Variants in PLAA observed in about 807,000 individuals in gnomAD.
PLAA encodes the protein phospholipase A2 activating protein.
PLAA carries 48 observed loss-of-function variants against 84.1 expected under a neutral mutation model. The observed-to-expected ratio is 0.57, with a 90% CI of 0.45 to 0.73. The LOEUF (loss-of-function observed/expected upper bound fraction) is 0.73. PLAA is among the 30% of genes least tolerant of loss of function. The pLI is 0.00. For synonymous variants in PLAA, 392 were observed against 336.6 expected (o/e 1.16, Z -1.80); for missense variants, 903 against 954.7 (o/e 0.95, Z 0.71).
intron 11 of PLAA, among the ~76,000 whole-genome samples, chr9:26,912,570 C>T (rs1198905918): frequency 2.0e-5 from 3 of 152,172 alleles, no homozygotes; most frequent in Non-Finnish European, 4.4e-5. Context: ...CTTCAATATA[C>T]ACACCATGCT....
rs1204529415 is a variant in PLAA at position 26,926,376 on chromosome 9, G to C, written c.733+17C>G. ...CTCAATACAAAACATTAAATAAATA[G>C]CATAAAATAATCTTACCTCTACAAT... is the stretch of plus-strand genomic sequence containing the variant. On this transcript the variant is annotated intron_variant, in intron 5 of 13. Coordinates refer to ENST00000397292, the MANE Select transcript of PLAA (RefSeq NM_001031689.3). 1 of 1,494,610 alleles carries C rather than the reference G, an allele frequency of 6.7e-7. No homozygotes were observed. The highest frequency in any genetic ancestry group is 1.1e-5 in the South Asian group (1 of 87,902). The allele number at this position is 1,494,610 out of a possible 1,614,324, so 92.6% of individuals were successfully genotyped here. A position where few individuals can be genotyped will look rare whatever the true frequency, so the allele number is the denominator to read the frequency against.
At position 26,914,635 on chromosome 9, in the gene PLAA, T is replaced by C. The variant is rs1004350114; in HGVS notation, c.1487-688A>G. On this transcript the variant is annotated intron_variant, in intron 10 of 13. Transcript: ENST00000397292. The stretch of plus-strand genomic sequence containing the variant: ...AATGAGAAACACAGAATAAATGGAT[T>C]TGTTGAAATTTAACCATATGCCAGT... Among the ~76,000 whole-genome samples the C allele has an allele frequency of 1.2e-4, 18 of 152,048 alleles. 1 individual carries two copies. The highest frequency in any genetic ancestry group is 5.9e-4 in the Admixed American group (9 of 15,266).
In PLAA at chr9:26,905,709, G is replaced by A. The variant is rs1296363032; in HGVS notation, c.2190C>T (p.Ser730=). 5 of 1,614,032 alleles carry A rather than the reference G, an allele frequency of 3.1e-6. No individual in the cohort carries two copies. The highest frequency in any genetic ancestry group is 4.2e-6 in the Non-Finnish European group (5 of 1,179,996). The change falls in exon 14 of 14, where the codon AGC becomes AGT. Residue 730 remains serine, a synonymous_variant. Transcript: ENST00000397292. ...EGKAQCLSLI[S]TILEVVQDLE... ...GGTCTTGTACTACTTCCAAGATTGT[G>A]CTAATTAGTGACAAACATTGGGCTT...
Position 26,946,885 on chromosome 9 carries a change from C to G in PLAA, c.149+12G>C, listed in dbSNP as rs749229800. On this transcript the variant is annotated intron_variant, in intron 1 of 13. Transcript: ENST00000397292. The stretch of plus-strand genomic sequence containing the variant: ...GCAACACAGCCGGGGCAACCCGACT[C>G]CCAGCGCTCACCTGTCTGGGGCCCA... The G allele has an allele frequency of 4.5e-6, 7 of 1,569,276 alleles. No individual in the cohort carries two copies. The African/African-American group carries it at 8.1e-5, about 18-fold the overall frequency.
intron 1 of PLAA, among the ~76,000 whole-genome samples, chr9:26,937,072 A>G (rs1167729014): frequency 6.6e-6 from 1 of 151,906 alleles, no homozygotes; most frequent in Non-Finnish European, 1.5e-5. Context: ...ACCCGGGAGG[A>G]GAAGGTTGCA....
chr9:26,932,268 T>C (rs1190135458), intron 2 of PLAA, among the ~76,000 whole-genome samples: 1 of 152,190 alleles, frequency 6.6e-6, no homozygotes, highest in African/African-American at 2.4e-5. Context: ...GGTTATTCTT[T>C]TGAGGACGTG....
intron 7 of PLAA, among the ~76,000 whole-genome samples, chr9:26,921,243 A>G (rs1824748116): frequency 1.3e-5 from 2 of 152,166 alleles, no homozygotes; most frequent in Non-Finnish European, 2.9e-5. Context: ...CTTTACACAA[A>G]TGTCATGTTC....
chr9:26,913,734 C>G (rs936748689), intron 11 of PLAA, 145 bp downstream of exon 11: 7 of 584,914 alleles, frequency 1.2e-5, no homozygotes, highest in East Asian at 2.8e-5. Flanking sequence ...TGAGAAAACT[C>G]AAAAAGCCAG....
At chr9:26,907,247 A>G (rs1824264534) in intron 13 of PLAA, among the ~76,000 whole-genome samples, 1 of 152,108 alleles carries the variant, frequency 6.6e-6, no homozygotes, top group African/African-American at 2.4e-5. Flanking sequence ...AACAGTAAAC[A>G]AACAGGTGCA....
At chr9:26,946,090 G>A (rs1223977109) in intron 1 of PLAA, among the ~76,000 whole-genome samples, 2 of 152,134 alleles carry the variant, frequency 1.3e-5, no homozygotes, top group African/African-American at 4.8e-5. Flanking sequence ...TTTATGGATG[G>A]TGACTCAAAT....
chr9:26,934,646 A>C (rs1741781724), intron 2 of PLAA, among the ~76,000 whole-genome samples: 1 of 151,716 alleles, frequency 6.6e-6, no homozygotes, highest in Non-Finnish European at 1.5e-5. Flanking sequence ...CACCTGGATA[A>C]TTTTTGTATT....
chr9:26,925,734 G>C (rs1563913419), intron 6 of PLAA, 91 bp downstream of exon 6: 1 of 1,135,226 alleles, frequency 8.8e-7, no homozygotes. Context: ...CTCAAGTCAC[G>C]TGAAATTCCT....
intron 2 of PLAA, among the ~76,000 whole-genome samples, chr9:26,929,456 A>G (rs979073390): frequency 6.6e-6 from 1 of 152,192 alleles, no homozygotes; most frequent in African/African-American, 2.4e-5. Flanking sequence ...TATGACCAAG[A>G]AAGTGAGACC....
At chr9:26,939,043 AAC>A (rs1446984389) in intron 1 of PLAA, among the ~76,000 whole-genome samples, 1 of 152,182 alleles carries the variant, frequency 6.6e-6, no homozygotes, top group Non-Finnish European at 1.5e-5. Flanking sequence ...CCTCATGGTA[AAC>A]ACACACAAAA....
chr9:26,931,292 T>C (rs1027615946), intron 2 of PLAA, among the ~76,000 whole-genome samples: 1 of 152,182 alleles, frequency 6.6e-6, no homozygotes, highest in Non-Finnish European at 1.5e-5. Context: ...TGTGGAAAGA[T>C]CTATACAGAA....
intron 13 of PLAA, 24 bp downstream of exon 13, chr9:26,907,810 C>G: frequency 6.4e-7 from 1 of 1,573,300 alleles, no homozygotes; most frequent in Non-Finnish European, 8.6e-7. Flanking sequence ...TTTCTGGTTA[C>G]ATTTTTGAAG....
At chr9:26,918,288 A>ATTTT (rs1185916022) in intron 9 of PLAA, among the ~76,000 whole-genome samples, 11,067 of 95,442 alleles carry the variant, frequency 0.12, 586 homozygotes, top group Middle Eastern at 0.25. Flanking sequence ...AATTTTTTGT[A>ATTTT]TTTTTTTTTT....
In PLAA at chr9:26,905,727, T is replaced by C. The variant is rs370739033; in HGVS notation, c.2172A>G (p.Gln724=). 26 of 1,614,052 alleles carry C rather than the reference T, an allele frequency of 1.6e-5. No individual in the cohort carries two copies. Among genetic ancestry groups the C allele is most frequent in the East Asian group, 4.5e-5 (2 of 44,894 alleles). Residue 724 remains glutamine, a synonymous_variant, in exon 14 of 14, where the codon CAA becomes CAG. Coordinates refer to ENST00000397292, the MANE Select transcript of PLAA (RefSeq NM_001031689.3). ...AGATTGTGCTAATTAGTGACAAACA[T>C]TGGGCTTTCCCTTCAATGTTATGGT... ...HKDHNIEGKA[Q]CLSLISTILE...
chr9:26,930,229 C>T lies in PLAA; in HGVS notation c.344-1821G>A, dbSNP rs371449709. On this transcript the variant is annotated intron_variant, in intron 2 of 13. Transcript: ENST00000397292. ...ACGCCATTCTCCTGCCTCAGCCTCC[C>T]GAGTGGCTGGGACCACAGGCGCCCG... Among the ~76,000 whole-genome samples the T allele has an allele frequency of 5.5e-4, 83 of 151,964 alleles. 3 individuals are homozygous for T. The South Asian group carries it at 0.017, about 31-fold the overall frequency.
Sources: allele counts gnomAD v4.1 joint callset (sites outside exome capture counted in the v4.1 genomes callset), GRCh38; gene constraint gnomAD v4.1.1; transcripts MANE v1.5; gene names NCBI Gene and HGNC (gene_info 2026-07-23, HGNC 2026-07-21).